PXDNL: variants seen among roughly 807,000 people sequenced by gnomAD.
PXDNL encodes probable oxidoreductase PXDNL.
A neutral mutation model predicts 150.8 loss-of-function variants in PXDNL; 145 were observed. The observed-to-expected ratio is 0.96, with a 90% CI of 0.84 to 1.10. PXDNL has a LOEUF of 1.10. PXDNL is among the 50% of genes least tolerant of loss of function. The pLI, the probability that PXDNL is intolerant of heterozygous loss-of-function variation, is 0.00. For missense variants in PXDNL, 2,087 were observed against 1,873.9 expected (o/e 1.11, Z -2.10); for synonymous variants, 757 against 725.7 (o/e 1.04, Z -0.69).
chr8:51,608,030 A>AAAG (rs1491315180), intron 2 of PXDNL, among the ~76,000 whole-genome samples: 7 of 115,126 alleles, frequency 6.1e-5, no homozygotes, highest in African/African-American at 2.7e-4. Context: ...AGAAAGAAAG[A>AAAG]AAGAAAGAAA....
At chr8:51,576,532 G>A (rs1020921345) in intron 3 of PXDNL, among the ~76,000 whole-genome samples, 1 of 151,686 alleles carries the variant, frequency 6.6e-6, no homozygotes, top group Non-Finnish European at 1.5e-5. Context: ...GTATAGAAAG[G>A]AAAATCTATC....
intron 19 of PXDNL, among the ~76,000 whole-genome samples, chr8:51,354,437 C>T (rs1212197989): frequency 6.6e-6 from 1 of 152,040 alleles, no homozygotes; most frequent in African/African-American, 2.4e-5. Context: ...TATGCGAACA[C>T]TCTTGATCCT....
intron 7 of PXDNL, among the ~76,000 whole-genome samples, chr8:51,472,666 C>T (rs1810373743): frequency 1.3e-5 from 2 of 152,144 alleles, no homozygotes; most frequent in African/African-American, 2.4e-5. Context: ...AGGCACTCTT[C>T]CTAGACAATT....
intron 3 of PXDNL, among the ~76,000 whole-genome samples, chr8:51,589,857 A>G (rs577144658): frequency 1.2e-4 from 18 of 152,298 alleles, no homozygotes; most frequent in Non-Finnish European, 1.6e-4. Flanking sequence ...AAAAGCATGT[A>G]AAAGAGAGAA....
chr8:51,544,587 C>A (rs10108104), intron 4 of PXDNL, among the ~76,000 whole-genome samples: 21,841 of 152,124 alleles, frequency 0.14, 1,751 homozygotes, highest in East Asian at 0.28. Context: ...ATACTTGAAG[C>A]AAATGTAGTT....
At chr8:51,513,183 TGGA>T (rs1245626476) in intron 4 of PXDNL, among the ~76,000 whole-genome samples, 2 of 151,902 alleles carry the variant, frequency 1.3e-5, no homozygotes, top group African/African-American at 2.4e-5. Context: ...GTGGGTGGGG[TGGA>T]GGAGTCATGA....
chr8:51,408,415 G>A lies in PXDNL; in HGVS notation c.3209C>T (p.Thr1070Ile). The A allele has an allele frequency of 1.2e-6, 2 of 1,614,038 alleles. No homozygotes were observed. The highest frequency in any genetic ancestry group is 1.1e-5 in the South Asian group (1 of 91,080). The change falls in exon 17 of 23, where the codon ACC becomes ATC. Residue 1070 changes from threonine (T) to isoleucine (I), a missense_variant. By Grantham distance (89) the Thr-to-Ile change is moderately conservative (BLOSUM62 -1). Transcript: ENST00000356297. The part of the protein sequence containing the change: ...INPILYRLNA[T>I]LGEISEGHLP... ...GTGGCCTTCGGAAATTTCACCTAAGGTGGCATTCAGTCGGTAAAGAATAGG... is the reference window on the plus strand; with the variant it reads ...GTGGCCTTCGGAAATTTCACCTAAGATGGCATTCAGTCGGTAAAGAATAGG...
chr8:51,370,204 T>C (rs1807059352), intron 19 of PXDNL, among the ~76,000 whole-genome samples: 1 of 152,208 alleles, frequency 6.6e-6, no homozygotes, highest in Non-Finnish European at 1.5e-5. Context: ...CTGAATCACA[T>C]ATCACATGGG....
intron 12 of PXDNL, 43 bp downstream of exon 12, chr8:51,446,961 A>T: frequency 6.3e-7 from 1 of 1,593,658 alleles, no homozygotes; most frequent in Non-Finnish European, 8.6e-7. Context: ...CACAGGCAGA[A>T]GGCACACTTC....
intron 17 of PXDNL, among the ~76,000 whole-genome samples, chr8:51,390,802 A>T (rs1586063034): frequency 6.6e-6 from 1 of 151,854 alleles, no homozygotes; most frequent in Admixed American, 6.6e-5. Flanking sequence ...TGTGCAGGTT[A>T]GTTACATATG....
intron 4 of PXDNL, among the ~76,000 whole-genome samples, chr8:51,505,865 T>C (rs1328734391): frequency 6.6e-6 from 1 of 152,224 alleles, no homozygotes; most frequent in Admixed American, 6.5e-5. Context: ...ACTTTCTGTA[T>C]AATAATCTCA....
intron 1 of PXDNL, among the ~76,000 whole-genome samples, chr8:51,726,517 A>G (rs567439797): frequency 5.9e-5 from 9 of 152,364 alleles, no homozygotes; most frequent in Admixed American, 1.3e-4. Flanking sequence ...GCAAACACAC[A>G]GAAGATGAGG....
chr8:51,407,238 C>T (rs1260542593), intron 17 of PXDNL, among the ~76,000 whole-genome samples: 15 of 152,080 alleles, frequency 9.9e-5, no homozygotes, highest in South Asian at 2.1e-4. Context: ...GTTTGAGATT[C>T]CACATATGTG....
At position 51,409,533 on chromosome 8, in the gene PXDNL, C is replaced by A. The variant is rs1418691779; in HGVS notation, c.2091G>T (p.Pro697=). The stretch of plus-strand genomic sequence containing the variant: ...AATTGGCGATGAGGCTGAGGGAGCG[C>A]GGGGACACCAAGTCATTGTACCGGA... ...KEFRYNDLVS[P]RSLSLIANLS... Residue 697 remains proline (P), a synonymous_variant, in exon 17 of 23, where the codon CCG becomes CCT. Transcript: ENST00000356297. The A allele has an allele frequency of 6.3e-7, 1 of 1,599,732 alleles. No homozygotes were observed. The highest frequency in any genetic ancestry group is 8.5e-7 in the Non-Finnish European group (1 of 1,172,890).
chr8:51,457,707 T>A, intron 8 of PXDNL, 40 bp from the exon 9 acceptor site: 1 of 1,531,178 alleles, frequency 6.5e-7, no homozygotes, highest in South Asian at 1.2e-5. Context: ...TTTAATCCCA[T>A]TCATGTTTAA....
chr8:51,408,636 C>T lies in PXDNL; in HGVS notation c.2988G>A (p.Thr996=), dbSNP rs1586081060. ...SALNPHWEGN[T]VYQEARKIVG... Reference sequence around the variant, plus strand: ...CGATCTTCCTGGCTTCCTGGTAAACCGTGTTTCCCTCCCAGTGGGGGTTCA... The same window carrying T: ...CGATCTTCCTGGCTTCCTGGTAAACTGTGTTTCCCTCCCAGTGGGGGTTCA... The change falls in exon 17 of 23, where the codon ACG becomes ACA. Residue 996 remains threonine, a synonymous_variant. Coordinates refer to ENST00000356297, the MANE Select transcript of PXDNL (RefSeq NM_144651.5). 1.2e-6 allele frequency: 2 copies of T among 1,608,036 alleles called. No homozygotes were observed. Among genetic ancestry groups the T allele is most frequent in the East Asian group, 2.2e-5 (1 of 44,594 alleles).
intron 12 of PXDNL, among the ~76,000 whole-genome samples, chr8:51,437,510 C>T (rs1809436161): frequency 6.6e-6 from 1 of 152,156 alleles, no homozygotes; most frequent in South Asian, 2.1e-4. Context: ...GGGTTTTATA[C>T]CAGGGATGCA....
rs189873134 is a variant in PXDNL, at chr8:51,751,576, G to A, written c.164+57605C>T. ...CCCCAAGTCACCATAGATTCGAAAG[G>A]TCTCAGCAGAAAAAAGGGAATTTGC... is the stretch of plus-strand genomic sequence containing the variant. On this transcript the variant is annotated intron_variant, in intron 1 of 22. Coordinates refer to ENST00000356297, the MANE Select transcript of PXDNL (RefSeq NM_144651.5). Among the ~76,000 whole-genome samples the A allele has an allele frequency of 1.2e-3, 186 of 152,216 alleles. 1 individual carries two copies. Among genetic ancestry groups the A allele is most frequent in the African/African-American group, 4.3e-3 (178 of 41,530 alleles).
At chr8:51,343,335 C>G (rs1806045580) in intron 20 of PXDNL, among the ~76,000 whole-genome samples, 1 of 152,096 alleles carries the variant, frequency 6.6e-6, no homozygotes, top group African/African-American at 2.4e-5. Context: ...TACATTTAAG[C>G]ACAACAGAAA....
Sources: allele counts gnomAD v4.1 joint callset (sites outside exome capture counted in the v4.1 genomes callset), GRCh38; gene constraint gnomAD v4.1.1; transcripts MANE v1.5; gene names NCBI Gene and HGNC (gene_info 2026-07-23, HGNC 2026-07-21).